The following LYSMD2 variants were observed in gnomAD, a reference collection of about 807,000 sequenced individuals.
LYSMD2 encodes lysM and putative peptidoglycan-binding domain-containing protein 2.
In LYSMD2, 6 loss-of-function variants were observed where a neutral mutation model predicts 17.7. That is an observed-to-expected ratio of 0.34 (90% CI 0.19 to 0.67). LYSMD2 has a LOEUF of 0.67. Ranked by LOEUF, LYSMD2 falls within the 30% of genes least tolerant of loss-of-function variation. The pLI is 0.69. For missense variants in LYSMD2, 237 were observed against 286.7 expected, an observed-to-expected ratio of 0.83 and a Z score of 1.25; for synonymous variants, 102 against 129.8, an observed-to-expected ratio of 0.79 and a Z score of 1.45.
intron 2 of LYSMD2, among the ~76,000 whole-genome samples, chr15:51,724,258 CAAAG>C (rs920172547): frequency 1.3e-5 from 2 of 152,004 alleles, no homozygotes; most frequent in African/African-American, 4.8e-5. Context: ...ATTTAAAAAA[CAAAG>C]AAAAAAGTTC....
At chr15:51,728,432 CAT>C (rs906585602) in intron 1 of LYSMD2, among the ~76,000 whole-genome samples, 116 of 145,046 alleles carry the variant, frequency 8.0e-4, no homozygotes, top group East Asian at 6.3e-3. Context: ...CACACACACA[CAT>C]ATGGCACACA....
At chr15:51,744,590 A>G (rs1358445809) in intron 1 of LYSMD2, among the ~76,000 whole-genome samples, 1 of 152,152 alleles carries the variant, frequency 6.6e-6, no homozygotes, top group African/African-American at 2.4e-5. Context: ...CATGAGAGAT[A>G]TTGGCCTATA....
chr15:51,723,736 G>T, intron 2 of LYSMD2, 87 bp from the exon 3 acceptor site: 2 of 960,672 alleles, frequency 2.1e-6, no homozygotes, highest in Non-Finnish European at 3.1e-6. Flanking sequence ...ATATCCACTT[G>T]CCAAAGAAGG....
intron 1 of LYSMD2, among the ~76,000 whole-genome samples, chr15:51,733,101 C>T (rs112204273): frequency 0.017 from 2,636 of 152,272 alleles, 36 homozygotes; most frequent in Non-Finnish European, 0.027. Context: ...CACAGTACTC[C>T]TGGAAGGTGC....
chr15:51,729,878 T>C (rs1202194587), intron 1 of LYSMD2, among the ~76,000 whole-genome samples: 1 of 152,218 alleles, frequency 6.6e-6, no homozygotes, highest in East Asian at 1.9e-4. Context: ...GAAAACTCTA[T>C]AGCTTTCCCA....
At chr15:51,745,091 T>C (rs758156850) in intron 1 of LYSMD2, among the ~76,000 whole-genome samples, 16 of 152,056 alleles carry the variant, frequency 1.1e-4, no homozygotes, top group Non-Finnish European at 2.2e-4. Context: ...TGAATAGACA[T>C]AGGACAAGCA....
intron 1 of LYSMD2, among the ~76,000 whole-genome samples, chr15:51,734,455 C>A (rs577273654): frequency 3.1e-4 from 47 of 152,190 alleles, no homozygotes; most frequent in Non-Finnish European, 5.7e-4. Flanking sequence ...ATCTTCACCC[C>A]CTTGTCGGAG....
upstream of LYSMD2, among the ~76,000 whole-genome samples, chr15:51,740,204 C>G (rs1225060690): frequency 1.3e-5 from 2 of 152,184 alleles, no homozygotes; most frequent in African/African-American, 4.8e-5. Flanking sequence ...AGTGATCCAT[C>G]AGCCTCAGCC....
intron 2 of LYSMD2, 118 bp from the exon 3 acceptor site, chr15:51,723,767 T>C (rs957131782): frequency 3.0e-6 from 2 of 677,428 alleles, no homozygotes; most frequent in South Asian, 4.1e-5. Context: ...CTTAGAATAT[T>C]GTGCATGCCT....
chr15:51,732,841 C>T (rs551034104), intron 1 of LYSMD2, among the ~76,000 whole-genome samples: 2 of 152,404 alleles, frequency 1.3e-5, no homozygotes, highest in South Asian at 4.1e-4. Flanking sequence ...CTGCTATCCT[C>T]TCCCACCTGC....
intron 1 of LYSMD2, among the ~76,000 whole-genome samples, chr15:51,728,940 A>C (rs929495667): frequency 2.6e-5 from 4 of 152,240 alleles, no homozygotes; most frequent in African/African-American, 7.2e-5. Context: ...GGATAAGCCC[A>C]GATGAATACC....
chr15:51,748,261 C>CAAAAAAAAAAAAAAA (rs10556304), intron 1 of LYSMD2, among the ~76,000 whole-genome samples: 89 of 60,214 alleles, frequency 1.5e-3, no homozygotes, highest in Non-Finnish European at 2.4e-3. Flanking sequence ...GACTCCGTCT[C>CAAAAAAAAAAAAAAA]AAAAAAAAAA....
rs1302114172 is a variant in LYSMD2, at chr15:51,737,466, C to G, written c.157G>C (p.Gly53Arg). The G allele has an allele frequency of 1.4e-6, 2 of 1,423,400 alleles. No individual in the cohort carries two copies. The highest frequency in any genetic ancestry group is 1.8e-6 in the Non-Finnish European group (2 of 1,091,078). 88.2% of individuals were successfully genotyped at this position (1,423,400 alleles called of 1,614,324 possible). The change falls in exon 1 of 3, where the codon GGC (glycine) becomes CGC (arginine). Residue 53 changes from glycine to arginine, a missense_variant. Transcript: ENST00000267838. This position sits in a 1 kb window ranked among gnomAD's most constrained non-coding sequence, Gnocchi z 4.2. ...GGCGCCCGCACGCTGGCGGTGCTGC[C>G]GTACGAGCGGGTCTTGGTGCGGGCC... ...SLARTKTRSY[G>R]STASVRAPLG...
rs147252582 is a variant in LYSMD2, at chr15:51,724,838, T to C, written c.557A>G (p.Gln186Arg). The change falls in exon 2 of 3, where the codon CAG becomes CGG. Residue 186 changes from glutamine (Q) to arginine (R), a missense_variant. Coordinates refer to ENST00000267838, the MANE Select transcript of LYSMD2 (RefSeq NM_153374.3). ...GGCTGCCTGTGTTGATAACTTAATC[T>C]GCAAGTCAAGTCTCTGCAGGAAATC... is the stretch of plus-strand genomic sequence containing the variant. The part of the protein sequence containing the change: ...ARDFLQRLDL[Q>R]IKLSTQAAKK... 4.8e-5 allele frequency: 78 copies of C among 1,614,068 alleles called. No homozygotes were observed. The African/African-American group carries it at 8.8e-4, about 18-fold the overall frequency.
chr15:51,727,200 T>A (rs2055545641), intron 1 of LYSMD2, among the ~76,000 whole-genome samples: 1 of 152,160 alleles, frequency 6.6e-6, no homozygotes, highest in Non-Finnish European at 1.5e-5. Flanking sequence ...CCCAATCCAT[T>A]CCTCCACTCT....
chr15:51,740,773 T>C (rs770294761), upstream of LYSMD2, among the ~76,000 whole-genome samples: 90 of 151,762 alleles, frequency 5.9e-4, no homozygotes, highest in Middle Eastern at 3.4e-3. Context: ...AAATTGTTCC[T>C]GGTGGCGTAG....
At chr15:51,729,845 T>C (rs2055565554) in intron 1 of LYSMD2, among the ~76,000 whole-genome samples, 1 of 152,240 alleles carries the variant, frequency 6.6e-6, no homozygotes, top group African/African-American at 2.4e-5. Flanking sequence ...AGAAAAGTCA[T>C]GATCCAATCC....
chr15:51,724,678 G>GAAAGA lies in LYSMD2; in HGVS notation c.605+107_605+111dup, dbSNP rs575448585. The GAAAGA allele has an allele frequency of 2.0e-4, 119 of 592,978 alleles. 1 individual carries two copies. The South Asian group carries it at 2.7e-3, about 13-fold the overall frequency. The allele number at this position is 592,978 out of a possible 1,614,324, so 36.7% of individuals were successfully genotyped here. On this transcript the variant is annotated intron_variant, in intron 2 of 2. Coordinates refer to ENST00000267838, the MANE Select transcript of LYSMD2 (RefSeq NM_153374.3). Reference sequence around the variant, plus strand: ...AGAAAAAAAGAAAAAAAATCAGAAAGAAAGAAAAGAAAAGAAAAGGCAAAG... The same window carrying GAAAGA: ...AGAAAAAAAGAAAAAAAATCAGAAAGAAAGAAAAGAAAAGAAAAGAAAAGGCAAAG...
At chr15:51,738,293 G>A (rs1191605123), upstream of LYSMD2, among the ~76,000 whole-genome samples, 1 of 152,068 alleles carries the variant, frequency 6.6e-6, no homozygotes, top group Non-Finnish European at 1.5e-5. Context: ...GGCCTAATGG[G>A]TGGCCTCAAA....
Sources: gnomAD v4.1 joint callset for allele counts (sites outside exome capture counted in the v4.1 genomes callset) on GRCh38, gnomAD v4.1.1 for gene constraint, Gnocchi (gnomAD v3.1) non-coding constraint, MANE v1.5 for transcripts, NCBI Gene and HGNC (gene_info 2026-07-23, HGNC 2026-07-21) for gene names.